PRKN: variants seen among roughly 807,000 people sequenced by gnomAD.
PRKN encodes the protein E3 ubiquitin-protein ligase parkin.
A neutral mutation model predicts 59.5 loss-of-function variants in PRKN; 56 were observed. The ratio of observed to expected loss-of-function variants is 0.94; its 90% confidence interval spans 0.76 to 1.18. PRKN has a LOEUF of 1.18. Ranked by LOEUF, PRKN falls within the 50% of genes most tolerant of loss-of-function variation. The pLI, the probability that PRKN is intolerant of heterozygous loss-of-function variation, is 0.00. For missense variants in PRKN, 657 were observed against 596.4 expected, an observed-to-expected ratio of 1.10 and a Z score of -1.06; for synonymous variants, 250 against 222.1, an observed-to-expected ratio of 1.13 and a Z score of -1.12.
intron 5 of PRKN, among the ~76,000 whole-genome samples, chr6:162,013,203 C>T (rs989136734): frequency 7.9e-5 from 12 of 151,802 alleles, no homozygotes; most frequent in African/African-American, 2.7e-4. Flanking sequence ...TCATACAGAC[C>T]CATGGATTCC....
rs1004573364 is a variant in PRKN, at chr6:161,458,094, C to T, written c.1084-71217G>A. On this transcript the variant is annotated intron_variant, in intron 9 of 11. Coordinates refer to ENST00000366898, the MANE Select transcript of PRKN (RefSeq NM_004562.3). This position sits in a 1 kb window ranked among gnomAD's most constrained non-coding sequence, Gnocchi z 6.1. ...ACTTATAAGAAGAAAAAGAGAAATA[C>T]AGCTCTTTGTACATTCAGATTCCTT... Among the ~76,000 whole-genome samples the T allele has an allele frequency of 6.6e-6, 1 of 152,152 alleles. No individual in the cohort carries two copies. The highest frequency in any genetic ancestry group is 1.5e-5 in the Non-Finnish European group (1 of 68,036).
In PRKN at chr6:162,114,382, T is replaced by A. The variant is rs559727191; in HGVS notation, c.535-60208A>T. Among the ~76,000 whole-genome samples the A allele has an allele frequency of 5.0e-3, 750 of 151,018 alleles. 4 individuals are homozygous for A. Among genetic ancestry groups the A allele is most frequent in the African/African-American group, 0.017 (679 of 40,978 alleles). On this transcript the variant is annotated intron_variant, in intron 4 of 11. Coordinates refer to ENST00000366898, the MANE Select transcript of PRKN (RefSeq NM_004562.3). ...TTCTTCCATTTGTTTGTATCCTCTT[T>A]TATTTCCTTGAGCAGTGGTTTGTAG...
chr6:162,692,570 A>ATCC (rs1554262667), intron 1 of PRKN, among the ~76,000 whole-genome samples: 3 of 150,110 alleles, frequency 2.0e-5, no homozygotes, highest in African/African-American at 7.3e-5. Context: ...TACAAGACAG[A>ATCC]CCCCCCCCAA....
chr6:161,814,977 C>A (rs1287679428), intron 6 of PRKN, among the ~76,000 whole-genome samples: 2 of 152,156 alleles, frequency 1.3e-5, no homozygotes, highest in Non-Finnish European at 2.9e-5. Context: ...CAAATCATAT[C>A]ACACAGTTTC....
intron 6 of PRKN, among the ~76,000 whole-genome samples, chr6:161,883,569 T>C (rs1477901886): frequency 6.6e-6 from 1 of 152,120 alleles, no homozygotes; most frequent in South Asian, 2.1e-4. Context: ...TGGTTACCTA[T>C]ATCTACCTGT....
At chr6:161,747,988 C>T (rs1275581553) in intron 7 of PRKN, among the ~76,000 whole-genome samples, 1 of 152,086 alleles carries the variant, frequency 6.6e-6, no homozygotes, top group African/African-American at 2.4e-5. Context: ...GGATTTATTG[C>T]TCTTGTCTTT....
At chr6:161,706,519 C>A (rs867807226) in intron 7 of PRKN, among the ~76,000 whole-genome samples, 1 of 152,178 alleles carries the variant, frequency 6.6e-6, no homozygotes, top group Non-Finnish European at 1.5e-5. Context: ...GCAACTGGCA[C>A]GCAGGAAGGA....
At chr6:161,986,491 CT>C (rs66655962) in intron 5 of PRKN, among the ~76,000 whole-genome samples, 125,426 of 139,414 alleles carry the variant, frequency 0.9, 56,436 homozygotes, top group South Asian at 0.97. Context: ...CTGCAGTGTC[CT>C]TTTTTTTTTT....
intron 1 of PRKN, among the ~76,000 whole-genome samples, chr6:162,485,122 A>T (rs886076620): frequency 2.6e-5 from 4 of 152,226 alleles, no homozygotes; most frequent in Admixed American, 2.6e-4. Context: ...GAGGGCATTC[A>T]TTCGTCACTT....
At chr6:162,598,228 A>C (rs1781564305) in intron 1 of PRKN, among the ~76,000 whole-genome samples, 1 of 152,216 alleles carries the variant, frequency 6.6e-6, no homozygotes, top group Admixed American at 6.5e-5. Flanking sequence ...AGTAACAAAT[A>C]TATGGGCCCC....
At position 161,352,070 on chromosome 6, in the gene PRKN, A is replaced by G. The variant is rs146014622; in HGVS notation, c.1286-1859T>C. 3.0e-4 allele frequency among the ~76,000 whole-genome samples: 46 copies of G among 152,252 alleles called. No individual in the cohort carries two copies. The East Asian group carries it at 8.1e-3, about 27-fold the overall frequency. On this transcript the variant is annotated intron_variant, in intron 11 of 11. Transcript: ENST00000366898. The surrounding 1 kb of genome is among the most constrained non-coding windows in gnomAD (Gnocchi z 5.8). ...ATGTACAGAGAACTGTTTCTGTCCAAATTTCCTGGAAAACCCCGGCAAACG... is the reference window on the plus strand; with the variant it reads ...ATGTACAGAGAACTGTTTCTGTCCAGATTTCCTGGAAAACCCCGGCAAACG...
At chr6:161,689,211 C>CACACAG in intron 7 of PRKN, among the ~76,000 whole-genome samples, 1 of 151,354 alleles carries the variant, frequency 6.6e-6, no homozygotes, top group South Asian at 2.1e-4. Flanking sequence ...CACACACACA[C>CACACAG]ACACACACAC....
At chr6:161,916,375 G>A (rs1239260563) in intron 6 of PRKN, among the ~76,000 whole-genome samples, 1 of 152,194 alleles carries the variant, frequency 6.6e-6, no homozygotes, top group Non-Finnish European at 1.5e-5. Flanking sequence ...AGTATACAAT[G>A]TGTATTATCA....
chr6:161,943,839 C>T (rs1356170362), intron 6 of PRKN, among the ~76,000 whole-genome samples: 1 of 150,700 alleles, frequency 6.6e-6, no homozygotes, highest in Non-Finnish European at 1.5e-5. Context: ...GAAGGATCAG[C>T]CTGAGGGATC....
intron 1 of PRKN, among the ~76,000 whole-genome samples, chr6:162,506,488 T>C (rs1484392036): frequency 6.6e-6 from 1 of 151,898 alleles, no homozygotes; most frequent in Admixed American, 6.6e-5. Flanking sequence ...GGAGAAAGTC[T>C]ATTTCATTAT....
At chr6:162,597,684 C>G (rs930504725) in intron 1 of PRKN, among the ~76,000 whole-genome samples, 6 of 152,144 alleles carry the variant, frequency 3.9e-5, no homozygotes, top group Non-Finnish European at 8.8e-5. Context: ...ATAGATTGAA[C>G]TTTTATCATA....
At position 162,558,181 on chromosome 6, in the gene PRKN, C is replaced by T. The variant is rs188142994; in HGVS notation, c.8-114708G>A. ...ACTTTTCTTTATGGTGACTATTATG[C>T]CATCATCTTTACTAACAAGTATATT... On this transcript the variant is annotated intron_variant, in intron 1 of 11. Coordinates refer to ENST00000366898, the MANE Select transcript of PRKN (RefSeq NM_004562.3). Among the ~76,000 whole-genome samples, 150 of 152,198 alleles carry T rather than the reference C, an allele frequency of 9.9e-4. 1 individual carries two copies. In the Middle Eastern group the frequency reaches 0.014, roughly 14 times the overall value.
At chr6:162,278,960 T>A (rs184479375) in intron 2 of PRKN, among the ~76,000 whole-genome samples, 140 of 151,792 alleles carry the variant, frequency 9.2e-4, no homozygotes, top group Middle Eastern at 3.4e-3. Flanking sequence ...ATAGATTTTT[T>A]TAAAAAATTT....
chr6:161,881,583 A>G (rs373137243), intron 6 of PRKN, among the ~76,000 whole-genome samples: 2 of 151,946 alleles, frequency 1.3e-5, no homozygotes, highest in East Asian at 3.9e-4. Flanking sequence ...AATACGTACA[A>G]TCCCCATGGG....
Sources: allele counts gnomAD v4.1 joint callset (sites outside exome capture counted in the v4.1 genomes callset), GRCh38; gene constraint gnomAD v4.1.1; non-coding constraint Gnocchi (gnomAD v3.1); transcripts MANE v1.5; gene names NCBI Gene and HGNC (gene_info 2026-07-23, HGNC 2026-07-21).